CCR10: variants seen among roughly 807,000 people sequenced by gnomAD.
CCR10 encodes the protein C-C motif chemokine receptor 10.
A neutral mutation model predicts 11.9 loss-of-function variants in CCR10; 11 were observed. The ratio of observed to expected loss-of-function variants is 0.92; its 90% CI spans 0.58 to 1.53. The LOEUF (loss-of-function observed/expected upper bound fraction) is 1.53. CCR10 is among the 40% of genes most tolerant of loss of function. The pLI, the probability that CCR10 is intolerant of heterozygous loss-of-function variation, is 0.00. For missense variants in CCR10, 428 were observed against 496.6 expected (o/e 0.86, Z 1.31); for synonymous variants, 224 against 245.4 (o/e 0.91, Z 0.81).
chr17:42,681,676 CAGCGCCA>C (rs1407940254), intron 1 of CCR10, 117 bp downstream of exon 1: 1 of 771,092 alleles, frequency 1.3e-6, no homozygotes, highest in African/African-American at 1.7e-5. Context: ...TAGTCTGAGA[CAGCGCCA>C]AGAATCCTGA....
In CCR10 at chr17:42,680,511, T is replaced by C. The variant is rs1387568842; in HGVS notation, c.131A>G (p.Gln44Arg). Residue 44 changes from glutamine to arginine, a missense_variant, in exon 2 of 2, where the codon CAA (glutamine) becomes CGA (arginine). Coordinates refer to ENST00000332438, the MANE Select transcript of CCR10 (RefSeq NM_016602.3). ...AGCCACGGTCAGGGAGACACTGGGT[T>C]GGAAGGCCCGGCTGAAGGCCTGGAC... ...ADVQAFSRAF[Q>R]PSVSLTVAAL... 2 of 1,612,384 alleles carry C rather than the reference T, an allele frequency of 1.2e-6. No individual in the cohort carries two copies. The highest frequency in any genetic ancestry group is 4.5e-5 in the East Asian group (2 of 44,874).
In CCR10 at chr17:42,679,751, GC is replaced by G. The variant is rs1393425865; in HGVS notation, c.890del (p.Gly297AlafsTer77). ...RKDVALLVTSGLALARCGLNP... is the reference protein window; with the variant it reads ...RKDVALLVTSXLALARCGLNP... ...TGAGGCCACAGCGGGCGAGGGCCAAGCCGCTGGTCACCAGCAGTGCGACATC... is the reference window on the plus strand; with the variant it reads ...TGAGGCCACAGCGGGCGAGGGCCAAGCGCTGGTCACCAGCAGTGCGACATC... On this transcript the variant is annotated frameshift_variant, in exon 2 of 2. Coordinates refer to ENST00000332438, the MANE Select transcript of CCR10 (RefSeq NM_016602.3). LOFTEE classifies it high-confidence loss of function. 6.3e-7 allele frequency: 1 copy of G among 1,597,368 alleles called. No homozygotes were observed.
In CCR10 at chr17:42,680,406, G is replaced by T; in HGVS notation, c.236C>A (p.Ala79Asp). The stretch of plus-strand genomic sequence containing the variant: ...GGCCAGGGCCAGCTGGAGCAGGTGG[G>T]CAGAGGTGGGCGAGCGCGCTGCGCG... The part of the protein sequence containing the change: ...ARRAARSPTS[A>D]HLLQLALADL... Residue 79 changes from alanine (A) to aspartate (D), a missense_variant, in exon 2 of 2, where the codon GCC becomes GAC. Physicochemically the swap from Ala to Asp is moderately radical, Grantham distance 126. Transcript: ENST00000332438. The T allele has an allele frequency of 6.4e-7, 1 of 1,563,604 alleles. No homozygotes were observed. The highest frequency in any genetic ancestry group is 8.7e-7 in the Non-Finnish European group (1 of 1,154,166).
chr17:42,679,739 G>A lies in CCR10; in HGVS notation c.903C>T (p.Ala301=), dbSNP rs2052904139. The A allele has an allele frequency of 6.3e-7, 1 of 1,590,366 alleles. No individual in the cohort carries two copies. Among genetic ancestry groups the A allele is most frequent in the Non-Finnish European group, 8.6e-7 (1 of 1,169,520 alleles). Residue 301 remains alanine, a synonymous_variant, in exon 2 of 2, where the codon GCC becomes GCT. Transcript: ENST00000332438. The stretch of plus-strand genomic sequence containing the variant: ...AGAGAACGGGATTGAGGCCACAGCG[G>A]GCGAGGGCCAAGCCGCTGGTCACCA... ...ALLVTSGLAL[A]RCGLNPVLYA...
In CCR10 at chr17:42,679,473, C is replaced by G. The variant is rs1166079297; in HGVS notation, c.*80G>C. ...GGCACAGAGGTAGTCCCTTTAGGTC[C>G]CTGCCTCTTTCTCAGTGTTCCCCCA... On this transcript the variant is annotated 3_prime_UTR_variant, in exon 2 of 2. Coordinates refer to ENST00000332438, the MANE Select transcript of CCR10 (RefSeq NM_016602.3). 9 of 998,536 alleles carry G rather than the reference C, an allele frequency of 9.0e-6. No individual in the cohort carries two copies. Among genetic ancestry groups the G allele is most frequent in the Non-Finnish European group, 1.0e-5 (7 of 701,126 alleles). The allele number at this position is 998,536 out of a possible 1,614,324, so 61.9% of individuals were successfully genotyped here. A position where few individuals can be genotyped will look rare whatever the true frequency, so the allele number is the denominator to read the frequency against.
intron 1 of CCR10, among the ~76,000 whole-genome samples, chr17:42,680,962 G>A (rs2052924013): frequency 6.6e-6 from 1 of 152,014 alleles, no homozygotes; most frequent in Admixed American, 6.5e-5. Context: ...TAATGGATGG[G>A]GAGAACCTGT....
In CCR10 at chr17:42,679,695, C is replaced by G; in HGVS notation, c.947G>C (p.Arg316Pro). ...CAGCCTCCGCAGGTCCTGGCGGAAGCGCAGGCCCAGGAAGGCGTAGAGAAC... is the reference window on the plus strand; with the variant it reads ...CAGCCTCCGCAGGTCCTGGCGGAAGGGCAGGCCCAGGAAGGCGTAGAGAAC... The part of the protein sequence containing the change: ...NPVLYAFLGL[R>P]FRQDLRRLLR... The change falls in exon 2 of 2, where the codon CGC becomes CCC. Residue 316 changes from arginine to proline, a missense_variant. Coordinates refer to ENST00000332438, the MANE Select transcript of CCR10 (RefSeq NM_016602.3). 1 of 1,534,230 alleles carries G rather than the reference C, an allele frequency of 6.5e-7. No individual in the cohort carries two copies. Among genetic ancestry groups the G allele is most frequent in the South Asian group, 1.3e-5 (1 of 79,632 alleles).
chr17:42,680,542 C>T lies in CCR10; in HGVS notation c.100G>A (p.Ala34Thr), dbSNP rs2052918109. The part of the protein sequence containing the change: ...AEPLPELCYK[A>T]DVQAFSRAFQ... ...GCCCGGCTGAAGGCCTGGACATCGG[C>T]CTTGTAGCAAAGCTCCGGCAGTGGC... Residue 34 changes from alanine to threonine, a missense_variant, in exon 2 of 2, where the codon GCC becomes ACC. Transcript: ENST00000332438. 6.2e-7 allele frequency: 1 copy of T among 1,610,802 alleles called. No individual in the cohort carries two copies. Among genetic ancestry groups the T allele is most frequent in the Non-Finnish European group, 8.5e-7 (1 of 1,178,676 alleles).
At position 42,679,583 on chromosome 17, in the gene CCR10, C is replaced by G. The variant is rs1474693679; in HGVS notation, c.1059G>C (p.Thr353=). 6.7e-7 allele frequency: 1 copy of G among 1,484,026 alleles called. No individual in the cohort carries two copies. Among genetic ancestry groups the G allele is most frequent in the East Asian group, 2.5e-5 (1 of 39,994 alleles). The allele number at this position is 1,484,026 out of a possible 1,614,324, so 91.9% of individuals were successfully genotyped here. ...TGTCCCAGGAGAGACTGTGGGTCTC[C>G]GTGGGAGCTGAGCAGGAAGAAAGGC... ...RPRLSSCSAP[T]ETHSLSWDN is the part of the protein sequence containing the mutation. Residue 353 remains threonine, a synonymous_variant, in exon 2 of 2, where the codon ACG becomes ACC. Transcript: ENST00000332438.
At position 42,681,780 on chromosome 17, in the gene CCR10, C is replaced by G. The variant is rs2052935221; in HGVS notation, c.24+20G>C. 1.3e-6 allele frequency: 2 copies of G among 1,587,274 alleles called. No homozygotes were observed. The highest frequency in any genetic ancestry group is 1.3e-5 in the African/African-American group (1 of 74,396). On this transcript the variant is annotated intron_variant, in intron 1 of 1. Transcript: ENST00000332438. ...CTCCCTCTCTGTAACCCTTCTCCCC[C>G]TCCCTGCCCCCACTCCCACCTGCTC... is the stretch of plus-strand genomic sequence containing the variant.
Position 42,679,976 on chromosome 17 carries a change from G to T in CCR10, c.666C>A (p.Val222=). The T allele has an allele frequency of 6.4e-7, 1 of 1,567,580 alleles. No individual in the cohort carries two copies. The highest frequency in any genetic ancestry group is 8.6e-7 in the Non-Finnish European group (1 of 1,161,912). The change falls in exon 2 of 2, where the codon GTC becomes GTA. Residue 222 remains valine, a synonymous_variant. Coordinates refer to ENST00000332438, the MANE Select transcript of CCR10 (RefSeq NM_016602.3). ...CCAGAAGCGCGTAGCAGGCTACCAT[G>T]ACGCCCAGCGGCAGCGCGAAGCCCA... ...VALGFALPLG[V]MVACYALLGR... is the part of the protein sequence containing the mutation.
chr17:42,680,055 G>C lies in CCR10; in HGVS notation c.587C>G (p.Pro196Arg). The C allele has an allele frequency of 6.2e-7, 1 of 1,601,520 alleles. No individual in the cohort carries two copies. The highest frequency in any genetic ancestry group is 8.5e-7 in the Non-Finnish European group (1 of 1,177,134). Residue 196 changes from proline to arginine, a missense_variant, in exon 2 of 2, where the codon CCC becomes CGC. Coordinates refer to ENST00000332438, the MANE Select transcript of CCR10 (RefSeq NM_016602.3). ...CTTCACCGTCTGCGTGAGGCCCTCG[G>C]GGAAGATGAGGCGACAGCGTCGTTG... ...EGQRRCRLIFPEGLTQTVKGA... is the reference protein window; with the variant it reads ...EGQRRCRLIFREGLTQTVKGA...
chr17:42,679,620 G>A lies in CCR10; in HGVS notation c.1022C>T (p.Pro341Leu). ...PSGPQPRRGC[P>L]RRPRLSSCSA... ...GCAGGAAGAAAGGCGGGGCCGGCGG[G>A]GGCAGCCGCGGCGGGGTTGAGGCCC... The change falls in exon 2 of 2, where the codon CCC becomes CTC. Residue 341 changes from proline to leucine, a missense_variant. Pro to Leu is a moderately conservative substitution (Grantham distance 98). Coordinates refer to ENST00000332438, the MANE Select transcript of CCR10 (RefSeq NM_016602.3). 6.7e-7 allele frequency: 1 copy of A among 1,482,344 alleles called. No individual in the cohort carries two copies. Among genetic ancestry groups the A allele is most frequent in the Middle Eastern group, 2.3e-4 (1 of 4,350 alleles). 91.8% of individuals were successfully genotyped at this position (1,482,344 alleles called of 1,614,324 possible).
Position 42,679,720 on chromosome 17 carries a change from C to A in CCR10, c.922G>T (p.Val308Phe). The change falls in exon 2 of 2, where the codon GTT (valine) becomes TTT (phenylalanine). Residue 308 changes from valine (V) to phenylalanine (F), a missense_variant. Physicochemically the swap from Val to Phe is conservative, Grantham distance 50 (BLOSUM62 -1). Transcript: ENST00000332438. ...LALARCGLNPVLYAFLGLRFR... is the reference protein window; with the variant it reads ...LALARCGLNPFLYAFLGLRFR... ...CGCAGGCCCAGGAAGGCGTAGAGAA[C>A]GGGATTGAGGCCACAGCGGGCGAGG... 1 of 1,570,412 alleles carries A rather than the reference C, an allele frequency of 6.4e-7. No individual in the cohort carries two copies. The highest frequency in any genetic ancestry group is 1.2e-5 in the South Asian group (1 of 85,096).
rs1320792418 is a variant in CCR10 at position 42,680,280 on chromosome 17, G to A, written c.362C>T (p.Ser121Leu). ...GAGGAAGCCGGCGTGGAAGGAGGCC[G>A]AGTAGAGGCCAGAGATGGTGCGGCA... is the stretch of plus-strand genomic sequence containing the variant. ...ATCRTISGLYSASFHAGFLFL... is the reference protein window; with the variant it reads ...ATCRTISGLYLASFHAGFLFL... The change falls in exon 2 of 2, where the codon TCG becomes TTG. Residue 121 changes from serine to leucine, a missense_variant. Coordinates refer to ENST00000332438, the MANE Select transcript of CCR10 (RefSeq NM_016602.3). 5 of 1,564,842 alleles carry A rather than the reference G, an allele frequency of 3.2e-6. No homozygotes were observed. In the Admixed American group the frequency reaches 5.8e-5, roughly 18 times the overall value.
In CCR10 at chr17:42,679,915, G is replaced by C; in HGVS notation, c.727C>G (p.Arg243Gly). ...GCCACCACGACGCGCAGCGCACGCC[G>C]GCGCTCGGGCCCCCTGGCGGCCAGC... ...TLLAARGPER[R>G]RALRVVVALV... The change falls in exon 2 of 2, where the codon CGG becomes GGG. Residue 243 changes from arginine (R) to glycine (G), a missense_variant. Transcript: ENST00000332438. 6.4e-7 allele frequency: 1 copy of C among 1,560,422 alleles called. No individual in the cohort carries two copies. The highest frequency in any genetic ancestry group is 1.2e-5 in the South Asian group (1 of 86,484).
Position 42,679,540 on chromosome 17 carries a change from T to C in CCR10, c.*13A>G. ...ACGACCCTCAGCCTGCCCCCTCCTC[T>C]AGATTCGCAGCCCTAGTTGTCCCAG... On this transcript the variant is annotated 3_prime_UTR_variant, in exon 2 of 2. Transcript: ENST00000332438. The C allele has an allele frequency of 2.8e-6, 4 of 1,450,308 alleles. No homozygotes were observed. The highest frequency in any genetic ancestry group is 3.6e-6 in the Non-Finnish European group (4 of 1,102,340). The allele number at this position is 1,450,308 out of a possible 1,614,324, so 89.8% of individuals were successfully genotyped here.
Position 42,680,273 on chromosome 17 carries a change from G to A in CCR10, c.369C>T (p.Ser123=). Residue 123 remains serine, a synonymous_variant, in exon 2 of 2, where the codon TCC becomes TCT. Transcript: ENST00000332438. The part of the protein sequence containing the change: ...CRTISGLYSA[S]FHAGFLFLAC... ...CCAGGAAGAGGAAGCCGGCGTGGAA[G>A]GAGGCCGAGTAGAGGCCAGAGATGG... is the stretch of plus-strand genomic sequence containing the variant. The A allele has an allele frequency of 6.4e-7, 1 of 1,568,946 alleles. No homozygotes were observed. Among genetic ancestry groups the A allele is most frequent in the Non-Finnish European group, 8.6e-7 (1 of 1,157,236 alleles).
Position 42,680,357 on chromosome 17 carries a change from CAG to C in CCR10, c.283_284del (p.Leu95AlafsTer273). On this transcript the variant is annotated frameshift_variant, in exon 2 of 2. Transcript: ENST00000332438. LOFTEE classifies it low-confidence loss of function (END_TRUNC). ...ALADLLLALT[L>X]PFAAAGALQG... ...GAAGAGCCCCTGCTGCCGCGAAGGG[CAG>C]AGTCAGGGCCAGCAAGAGGTCGGCC... is the stretch of plus-strand genomic sequence containing the variant. 1 of 1,554,300 alleles carries C rather than the reference CAG, an allele frequency of 6.4e-7. No homozygotes were observed. Among genetic ancestry groups the C allele is most frequent in the Non-Finnish European group, 8.7e-7 (1 of 1,148,964 alleles).
Sources: allele counts gnomAD v4.1 joint callset (sites outside exome capture counted in the v4.1 genomes callset), GRCh38; gene constraint gnomAD v4.1.1; transcripts MANE v1.5; gene names NCBI Gene and HGNC (gene_info 2026-07-23, HGNC 2026-07-21).